MACF1: variants seen among roughly 807,000 people sequenced by gnomAD.
The protein encoded by MACF1 is microtubule actin crosslinking factor 1.
Under a neutral mutation model 854.8 loss-of-function variants are expected in MACF1, and 193 were observed. The observed-to-expected ratio is 0.23, with a 90% CI of 0.20 to 0.25. The LOEUF (loss-of-function observed/expected upper bound fraction) is 0.25. MACF1 is among the 10% of genes least tolerant of loss of function. The pLI is 1.00. For synonymous variants in MACF1, 3,185 were observed against 3,226.7 expected (o/e 0.99, Z 0.44); for missense variants, 7,722 against 8,929.1 (o/e 0.86, Z 5.45).
chr1:39,240,956 C>T (rs1031784670), intron 2 of MACF1, among the ~76,000 whole-genome samples: 35 of 152,198 alleles, frequency 2.3e-4, no homozygotes, highest in Admixed American at 2.0e-4. Context: ...CTCCCACCCC[C>T]GCTCTCCAAC....
In MACF1 at chr1:39,338,729, A is replaced by G. The variant is rs182920289; in HGVS notation, c.10215+1398A>G. ...AACTGGAAGTTCACATACATACTGA[A>G]TTTTGAGCTATATCCTTGCTCCCGC... On this transcript the variant is annotated intron_variant, in intron 38 of 100. Coordinates refer to ENST00000564288, the MANE Select transcript of MACF1 (RefSeq NM_001394062.1). Among the ~76,000 whole-genome samples the G allele has an allele frequency of 2.0e-5, 3 of 152,308 alleles. No individual in the cohort carries two copies. In the East Asian group the frequency reaches 5.8e-4, roughly 29 times the overall value.
At chr1:39,477,139 C>CACACATATAT (rs1644921718) in intron 97 of MACF1, among the ~76,000 whole-genome samples, 2 of 108,542 alleles carry the variant, frequency 1.8e-5, no homozygotes, top group Non-Finnish European at 4.4e-5. Context: ...TATATATACA[C>CACACATATAT]ACACACACAC....
chr1:39,475,766 C>T (rs758763223), intron 97 of MACF1, among the ~76,000 whole-genome samples: 1 of 152,140 alleles, frequency 6.6e-6, no homozygotes, highest in Non-Finnish European at 1.5e-5. Flanking sequence ...TAACTTCTGG[C>T]ATCCAGCAGG....
chr1:39,149,045 C>T (rs1643521201), intron 2 of MACF1, among the ~76,000 whole-genome samples: 1 of 152,124 alleles, frequency 6.6e-6, no homozygotes, highest in African/African-American at 2.4e-5. Flanking sequence ...TAAGGAAAGT[C>T]AGTTTTTTTG....
chr1:39,130,106 TG>T (rs1370082617), intron 2 of MACF1, among the ~76,000 whole-genome samples: 1 of 152,220 alleles, frequency 6.6e-6, no homozygotes, highest in Non-Finnish European at 1.5e-5. Flanking sequence ...TGTGTTGAAA[TG>T]TCGGTACCTG....
chr1:39,388,921 C>T (rs988771547), intron 58 of MACF1, among the ~76,000 whole-genome samples: 1 of 146,012 alleles, frequency 6.8e-6, no homozygotes, highest in Non-Finnish European at 1.5e-5. Context: ...CTCTCTCACC[C>T]AGGCTGGAGT....
chr1:39,098,969 T>C (rs761929364), intron 2 of MACF1, among the ~76,000 whole-genome samples: 68 of 152,202 alleles, frequency 4.5e-4, no homozygotes, highest in Non-Finnish European at 8.5e-4. Context: ...GGAGCTTCAC[T>C]TCTGAGACTA....
intron 6 of MACF1, among the ~76,000 whole-genome samples, chr1:39,279,874 A>T (rs966017618): frequency 6.6e-6 from 1 of 152,136 alleles, no homozygotes; most frequent in Non-Finnish European, 1.5e-5. Context: ...GATTGTTTTT[A>T]TACTTTTTAT....
At chr1:39,393,291 A>G (rs188953714) in intron 58 of MACF1, among the ~76,000 whole-genome samples, 1 of 148,714 alleles carries the variant, frequency 6.7e-6, no homozygotes, top group Admixed American at 6.7e-5. Context: ...TTTTACTTGA[A>G]CTGAGATCAT....
At chr1:39,156,559 T>C (rs59606729) in intron 2 of MACF1, among the ~76,000 whole-genome samples, 1 of 152,070 alleles carries the variant, frequency 6.6e-6, no homozygotes, top group African/African-American at 2.4e-5. Context: ...GTCAAGGCTA[T>C]GGTGAGCCAA....
chr1:39,147,874 C>A (rs1422528583), intron 2 of MACF1, among the ~76,000 whole-genome samples: 1 of 152,168 alleles, frequency 6.6e-6, no homozygotes, highest in Non-Finnish European at 1.5e-5. Flanking sequence ...TTTAGACCCT[C>A]GTCTTCTTTG....
chr1:39,116,497 T>C (rs1292993069), intron 2 of MACF1, among the ~76,000 whole-genome samples: 1 of 152,096 alleles, frequency 6.6e-6, no homozygotes, highest in Non-Finnish European at 1.5e-5. Flanking sequence ...GACAGGTAGA[T>C]TGATCTAGGA....
intron 6 of MACF1, among the ~76,000 whole-genome samples, chr1:39,273,310 C>A (rs561592989): frequency 3.4e-4 from 52 of 150,738 alleles, no homozygotes; most frequent in Middle Eastern, 3.4e-3. Flanking sequence ...CAGCTATATA[C>A]CAGTGTTCTT....
At position 39,402,073 on chromosome 1, in the gene MACF1, T is replaced by G. The variant is rs112210942; in HGVS notation, c.15816+13415T>G. Among the ~76,000 whole-genome samples the G allele has an allele frequency of 1.6e-3, 248 of 152,020 alleles. 2 individuals carry two copies. Among genetic ancestry groups the G allele is most frequent in the African/African-American group, 5.0e-3 (206 of 41,514 alleles). On this transcript the variant is annotated intron_variant, in intron 58 of 100. Transcript: ENST00000564288. The stretch of plus-strand genomic sequence containing the variant: ...CTAAAAATACAAAAATTAGCCAGGC[T>G]TGGTGGTGGGTGCCTATAATTCCAG...
At chr1:39,338,260 G>GT (rs61377649) in intron 38 of MACF1, among the ~76,000 whole-genome samples, 72 of 74,054 alleles carry the variant, frequency 9.7e-4, no homozygotes, top group East Asian at 3.6e-3. Context: ...TTTTTGGGTT[G>GT]TTTTTTTTTT....
rs142320151 is a variant in MACF1 at position 39,442,060 on chromosome 1, A to G, written c.18774+7A>G. 1.6e-4 allele frequency: 252 copies of G among 1,608,814 alleles called. No individual in the cohort carries two copies. The East Asian group carries it at 1.9e-3, about 12-fold the overall frequency. On this transcript the variant is annotated splice_region_variant and intron_variant, in intron 75 of 100. Coordinates refer to ENST00000564288, the MANE Select transcript of MACF1 (RefSeq NM_001394062.1). The stretch of plus-strand genomic sequence containing the variant: ...TCAGTTAAATGAAATGAAGGTTTGT[A>G]TCTGGGTATGGCTTTTGAAGAAGAA...
chr1:39,323,046 A>T (rs547749393), intron 33 of MACF1, 38 bp downstream of exon 33: 1 of 1,585,970 alleles, frequency 6.3e-7, no homozygotes, highest in East Asian at 2.2e-5. Context: ...TTGAAAGTAC[A>T]GTAAAACATC....
intron 6 of MACF1, among the ~76,000 whole-genome samples, chr1:39,272,096 G>A (rs1253248044): frequency 1.3e-5 from 2 of 152,164 alleles, no homozygotes; most frequent in Non-Finnish European, 2.9e-5. Flanking sequence ...CTAAGTGACC[G>A]AGTCTCAGCT....
chr1:39,220,586 G>A (rs552014209), intron 1 of MACF1, among the ~76,000 whole-genome samples: 13 of 149,030 alleles, frequency 8.7e-5, no homozygotes, highest in Non-Finnish European at 1.5e-4. Context: ...GAGTTCAAGC[G>A]ATTCTCCTGC....
Sources: gnomAD v4.1 joint callset for allele counts (sites outside exome capture counted in the v4.1 genomes callset) on GRCh38, gnomAD v4.1.1 for gene constraint, MANE v1.5 for transcripts, NCBI Gene and HGNC (gene_info 2026-07-23, HGNC 2026-07-21) for gene names.